Variants in RGSL1 observed in about 807,000 individuals in gnomAD.
RGSL1 encodes the protein regulator of G protein signaling like 1.
RGSL1 carries 97 observed loss-of-function variants against 124.7 expected under a neutral mutation model. The observed-to-expected ratio is 0.78, with a 90% confidence interval of 0.66 to 0.92. The LOEUF is 0.92. Among genes scored for constraint, RGSL1 ranks in the 40% least tolerant of loss-of-function variants. The pLI is 0.00. For synonymous variants in RGSL1, 424 were observed against 438.1 expected, an observed-to-expected ratio of 0.97 and a Z score of 0.40; for missense variants, 1,233 against 1,288.4, an observed-to-expected ratio of 0.96 and a Z score of 0.66.
At chr1:182,494,066 C>T (rs780286264) in intron 9 of RGSL1, among the ~76,000 whole-genome samples, 14 of 152,188 alleles carry the variant, frequency 9.2e-5, no homozygotes, top group Non-Finnish European at 1.8e-4. Context: ...CTCTGCTGGT[C>T]TTGGGGTCTT....
chr1:182,492,628 C>CT (rs34513069), intron 8 of RGSL1, among the ~76,000 whole-genome samples: 70,077 of 141,636 alleles, frequency 0.49, 17,383 homozygotes, highest in East Asian at 0.54. Context: ...TTTAAATAAC[C>CT]TTTTTTTTTT....
intron 4 of RGSL1, among the ~76,000 whole-genome samples, chr1:182,465,497 G>A (rs1013557946): frequency 3.3e-5 from 5 of 151,684 alleles, no homozygotes; most frequent in African/African-American, 1.2e-4. Context: ...AGCATTAGGA[G>A]ATATACCTAA....
rs376458323 is a variant in RGSL1, at chr1:182,530,285, G to A, written c.2167G>A (p.Ala723Thr). Residue 723 changes from alanine (A) to threonine (T), a missense_variant, in exon 12 of 22, where the codon GCT becomes ACT. Ala to Thr is a moderately conservative substitution (Grantham distance 58). Transcript: ENST00000294854. ...TGATGCCCCTATTATCAAAGAAATCGCTTCCATGCGTCATGTCACCACAAG... is the reference window on the plus strand; with the variant it reads ...TGATGCCCCTATTATCAAAGAAATCACTTCCATGCGTCATGTCACCACAAG... ...QCDAPIIKEI[A>T]SMRHVTTSTL... 15 of 1,550,702 alleles carry A rather than the reference G, an allele frequency of 9.7e-6. No individual in the cohort carries two copies. The highest frequency in any genetic ancestry group is 1.7e-4 in the Middle Eastern group (1 of 6,010).
At chr1:182,472,585 G>A in intron 5 of RGSL1, 28 bp downstream of exon 5, 1 of 1,486,236 alleles carries the variant, frequency 6.7e-7, no homozygotes, top group Admixed American at 2.2e-5. Flanking sequence ...TCTTTTTGGG[G>A]GGATGCAACA....
intron 9 of RGSL1, among the ~76,000 whole-genome samples, chr1:182,511,591 G>A (rs1032546588): frequency 3.3e-5 from 5 of 152,200 alleles, no homozygotes; most frequent in African/African-American, 1.2e-4. Context: ...TCTGGGCTCT[G>A]TGTTCTGTCC....
intron 18 of RGSL1, among the ~76,000 whole-genome samples, chr1:182,551,787 C>T (rs1029283329): frequency 3.2e-4 from 48 of 152,248 alleles, no homozygotes; most frequent in African/African-American, 1.1e-3. Context: ...AATGATGTTT[C>T]AGTCAATAAT....
intron 3 of RGSL1, among the ~76,000 whole-genome samples, 158 bp downstream of exon 3, chr1:182,458,551 C>T (rs907129881): frequency 3.9e-5 from 6 of 152,170 alleles, no homozygotes; most frequent in African/African-American, 1.4e-4. Flanking sequence ...CTCACTGCAA[C>T]CTTTGCCTCC....
intron 9 of RGSL1, among the ~76,000 whole-genome samples, chr1:182,499,691 T>C (rs1252402944): frequency 2.6e-5 from 4 of 152,240 alleles, no homozygotes; most frequent in Admixed American, 1.3e-4. Context: ...TTAATATTGA[T>C]AGGTGTGGAT....
chr1:182,540,440 C>T lies in RGSL1; in HGVS notation c.2669+19C>T. 3 of 1,544,706 alleles carry T rather than the reference C, an allele frequency of 1.9e-6. No homozygotes were observed. The highest frequency in any genetic ancestry group is 2.6e-6 in the Non-Finnish European group (3 of 1,142,898). ...TGGAGAAGTAAGTTTTCCACTTCTC[C>T]TTCTTCTGCCCTGAAAATGACTTTT... is the stretch of plus-strand genomic sequence containing the variant. On this transcript the variant is annotated intron_variant, in intron 15 of 21. Coordinates refer to ENST00000294854, the MANE Select transcript of RGSL1 (RefSeq NM_001137669.2).
chr1:182,534,778 G>A (rs940003164), intron 14 of RGSL1, among the ~76,000 whole-genome samples: 15 of 151,480 alleles, frequency 9.9e-5, no homozygotes, highest in African/African-American at 3.4e-4. Context: ...AGTGATCCGA[G>A]ATTGCACCAC....
At chr1:182,450,234 CA>C in intron 1 of RGSL1, 56 bp downstream of exon 1, 1 of 1,543,214 alleles carries the variant, frequency 6.5e-7, no homozygotes, top group Non-Finnish European at 8.8e-7. Flanking sequence ...TAAGGCAAAC[CA>C]TTCATCTTCC....
chr1:182,551,073 T>G (rs1282920563), intron 17 of RGSL1, 27 bp from the exon 18 acceptor site: 1 of 1,510,886 alleles, frequency 6.6e-7, no homozygotes, highest in Non-Finnish European at 9.0e-7. Flanking sequence ...GGTTCCCTCC[T>G]ATGACCAGAA....
chr1:182,559,056 C>G (rs375073830), intron 21 of RGSL1, among the ~76,000 whole-genome samples: 1 of 151,974 alleles, frequency 6.6e-6, no homozygotes, highest in Non-Finnish European at 1.5e-5. Flanking sequence ...CCATTTTTTT[C>G]TTTCTCTTGT....
rs647224 is a variant in RGSL1 at position 182,473,879 on chromosome 1, G to T, written c.768G>T (p.Trp256Cys). The T allele has an allele frequency of 1.3e-6, 2 of 1,551,608 alleles. No individual in the cohort carries two copies. Among genetic ancestry groups the T allele is most frequent in the African/African-American group, 1.4e-5 (1 of 72,996 alleles). The change falls in exon 6 of 22, where the codon TGG becomes TGT. Residue 256 changes from tryptophan to cysteine, a missense_variant. Coordinates refer to ENST00000294854, the MANE Select transcript of RGSL1 (RefSeq NM_001137669.2). ...GCAGGAAAGCCAAGAGGAAGATGTG[G>T]CAATTGGTAGATCCTGACTCTTGGT... Reference protein sequence around the residue: ...YSSRKAKRKMWQLVDPDSWSL... With the variant: ...YSSRKAKRKMCQLVDPDSWSL...
chr1:182,509,628 C>T (rs1320675796), intron 9 of RGSL1, among the ~76,000 whole-genome samples: 2 of 131,108 alleles, frequency 1.5e-5, no homozygotes, highest in Non-Finnish European at 3.3e-5. Context: ...GGCAGAGGCG[C>T]CCCTCACCTC....
chr1:182,503,933 T>A (rs954877026), intron 9 of RGSL1, among the ~76,000 whole-genome samples: 2 of 151,756 alleles, frequency 1.3e-5, no homozygotes, highest in African/African-American at 4.8e-5. Flanking sequence ...GTTATCATGC[T>A]TTTCAGCCCC....
At chr1:182,526,515 A>G (rs996519122) in intron 10 of RGSL1, among the ~76,000 whole-genome samples, 1 of 149,720 alleles carries the variant, frequency 6.7e-6, no homozygotes, top group Non-Finnish European at 1.5e-5. Context: ...AAAAAAAAAC[A>G]CAAACATTAT....
At chr1:182,510,762 C>A (rs1445218406) in intron 9 of RGSL1, among the ~76,000 whole-genome samples, 1 of 150,728 alleles carries the variant, frequency 6.6e-6, no homozygotes, top group Admixed American at 6.6e-5. Flanking sequence ...GAGCTTTTGC[C>A]CATTTTTAAG....
chr1:182,486,473 G>A (rs983022759), intron 6 of RGSL1, among the ~76,000 whole-genome samples: 8 of 151,418 alleles, frequency 5.3e-5, no homozygotes, highest in Admixed American at 2.6e-4. Context: ...GGTGGCATGC[G>A]CCTCCCATAG....
Sources: allele counts gnomAD v4.1 joint callset (sites outside exome capture counted in the v4.1 genomes callset), GRCh38; gene constraint gnomAD v4.1.1; transcripts MANE v1.5; gene names NCBI Gene and HGNC (gene_info 2026-07-23, HGNC 2026-07-21).